ATOH8: variants seen among roughly 807,000 people sequenced by gnomAD.
ATOH8 encodes atonal bHLH transcription factor 8.
ATOH8 carries 9 observed loss-of-function variants against 21.2 expected under a neutral mutation model. That is an observed-to-expected ratio of 0.42 (90% CI 0.26 to 0.74). ATOH8 has a LOEUF of 0.74. ATOH8 is among the 30% of genes least tolerant of loss of function. ATOH8 has a pLI of 0.24. For missense variants in ATOH8, 524 were observed against 470.9 expected, an observed-to-expected ratio of 1.11 and a Z score of -1.04; for synonymous variants, 253 against 224.0, an observed-to-expected ratio of 1.13 and a Z score of -1.16.
At chr2:85,763,142 T>A (rs1215096256) in intron 1 of ATOH8, among the ~76,000 whole-genome samples, 1 of 152,146 alleles carries the variant, frequency 6.6e-6, no homozygotes, top group African/African-American at 2.4e-5. Flanking sequence ...ACCTATCAGG[T>A]TGATTTTGTG....
intron 2 of ATOH8, chr2:85,774,138 C>G: frequency 1.0e-6 from 1 of 985,484 alleles, no homozygotes; most frequent in East Asian, 1.1e-4. Flanking sequence ...TCCCATGTCT[C>G]CTGCCCAAGA....
chr2:85,774,165 G>A, intron 2 of ATOH8: 1 of 985,502 alleles, frequency 1.0e-6, no homozygotes, highest in Non-Finnish European at 1.2e-6. Context: ...TCTTCGTGGG[G>A]CCAAAGGCAA....
Position 85,766,303 on chromosome 2 carries a change from G to T in ATOH8, c.960+2121G>T, listed in dbSNP as rs1680013630. On this transcript the variant is annotated intron_variant, in intron 2 of 2. Transcript: ENST00000306279. This position sits in a 1 kb window ranked among gnomAD's most constrained non-coding sequence, Gnocchi z 4.0. ...TGGGGGTCGAGATGGAAGTTCCAGG[G>T]TAGGAACTCGACTGTTTCCTCTCCA... Among the ~76,000 whole-genome samples, 1 of 152,016 alleles carries T rather than the reference G, an allele frequency of 6.6e-6. No homozygotes were observed. The highest frequency in any genetic ancestry group is 6.5e-5 in the Admixed American group (1 of 15,274).
chr2:85,778,009 A>G (rs1573535522), intron 2 of ATOH8, among the ~76,000 whole-genome samples: 1 of 152,018 alleles, frequency 6.6e-6, no homozygotes, highest in South Asian at 2.1e-4. Context: ...GACCCTTCCT[A>G]CCCCACCCCG....
chr2:85,764,121 C>A lies in ATOH8; in HGVS notation c.899C>A (p.Ser300Tyr). 1 of 1,614,214 alleles carries A rather than the reference C, an allele frequency of 6.2e-7. No individual in the cohort carries two copies. The highest frequency in any genetic ancestry group is 8.5e-7 in the Non-Finnish European group (1 of 1,180,046). Residue 300 changes from serine to tyrosine, a missense_variant, in exon 2 of 3, where the codon TCC becomes TAC. Coordinates refer to ENST00000306279, the MANE Select transcript of ATOH8 (RefSeq NM_032827.7). ...GCCGACCACAGCAACCTCAGCTTCTCCGAGTGTGTGCAGCGCTGCACCCGC... is the reference window on the plus strand; with the variant it reads ...GCCGACCACAGCAACCTCAGCTTCTACGAGTGTGTGCAGCGCTGCACCCGC... ...YSADHSNLSF[S>Y]ECVQRCTRTL...
chr2:85,774,363 AG>A lies in ATOH8; in HGVS notation c.960+10184del, dbSNP rs546442675. 48 of 985,556 alleles carry A rather than the reference AG, an allele frequency of 4.9e-5. No homozygotes were observed. The South Asian group carries it at 1.9e-3, about 39-fold the overall frequency. The allele number at this position is 985,556 out of a possible 1,614,324, so 61.1% of individuals were successfully genotyped here. A position where few individuals can be genotyped will look rare whatever the true frequency, so the allele number is the denominator to read the frequency against. On this transcript the variant is annotated intron_variant, in intron 2 of 2. Transcript: ENST00000306279. ...CCTGGCACAGTGCGAGGCCTCAGACAGGGTGTCAGCAGGCCCTGGCTCCCCA... is the reference window on the plus strand; with the variant it reads ...CCTGGCACAGTGCGAGGCCTCAGACAGGTGTCAGCAGGCCCTGGCTCCCCA...
intron 1 of ATOH8, among the ~76,000 whole-genome samples, chr2:85,760,366 G>T (rs548781035): frequency 6.6e-6 from 1 of 152,018 alleles, no homozygotes; most frequent in Non-Finnish European, 1.5e-5. Context: ...CGGTGCGGGT[G>T]GGTGGGCTCT....
intron 2 of ATOH8, among the ~76,000 whole-genome samples, chr2:85,783,994 T>G (rs1349086067): frequency 6.6e-6 from 1 of 152,136 alleles, no homozygotes; most frequent in Non-Finnish European, 1.5e-5. Context: ...GTCTTGGGGA[T>G]TGGCATGCTG....
intron 1 of ATOH8, among the ~76,000 whole-genome samples, chr2:85,761,318 G>T (rs1679865741): frequency 6.6e-6 from 1 of 152,206 alleles, no homozygotes; most frequent in African/African-American, 2.4e-5. Flanking sequence ...GGTGGGGAAG[G>T]TTTTAAATGG....
At chr2:85,771,976 T>C (rs1023119755) in intron 2 of ATOH8, among the ~76,000 whole-genome samples, 2 of 152,244 alleles carry the variant, frequency 1.3e-5, no homozygotes, top group Non-Finnish European at 2.9e-5. Flanking sequence ...TCTGAGCTCT[T>C]CAGTCCTGAG....
intron 2 of ATOH8, among the ~76,000 whole-genome samples, chr2:85,784,294 T>C (rs772166149): frequency 6.6e-6 from 1 of 152,034 alleles, no homozygotes; most frequent in Non-Finnish European, 1.5e-5. Context: ...ACCTGTAAGT[T>C]TGGGAGGCTG....
intron 2 of ATOH8, 95 bp from the exon 3 acceptor site, chr2:85,786,790 C>T (rs1680632125): frequency 6.3e-7 from 1 of 1,588,048 alleles, no homozygotes; most frequent in South Asian, 1.1e-5. Context: ...GGCCCCTCTG[C>T]CTGGAGGACT....
At chr2:85,772,436 C>T (rs1474491139) in intron 2 of ATOH8, among the ~76,000 whole-genome samples, 1 of 152,214 alleles carries the variant, frequency 6.6e-6, no homozygotes, top group Non-Finnish European at 1.5e-5. Context: ...GCCCCAGACT[C>T]CAGATGTTCC....
At position 85,754,544 on chromosome 2, in the gene ATOH8, C is replaced by T. The variant is rs753632293; in HGVS notation, c.355C>T (p.Pro119Ser). ...CTGCTTCGCCCTAGGCGCAGTGGGG[C>T]CAGGACTCCCCACGCCGCCGCCGCC... ...KRCFALGAVGPGLPTPPPPPP... is the reference protein window; with the variant it reads ...KRCFALGAVGSGLPTPPPPPP... The change falls in exon 1 of 3, where the codon CCA becomes TCA. Residue 119 changes from proline to serine, a missense_variant. Transcript: ENST00000306279. 45 of 1,437,636 alleles carry T rather than the reference C, an allele frequency of 3.1e-5. No homozygotes were observed. Among genetic ancestry groups the T allele is most frequent in the Non-Finnish European group, 3.9e-5 (43 of 1,107,686 alleles). The allele number at this position is 1,437,636 out of a possible 1,614,324, so 89.1% of individuals were successfully genotyped here. A position where few individuals can be genotyped will look rare whatever the true frequency, so the allele number is the denominator to read the frequency against.
At position 85,769,599 on chromosome 2, in the gene ATOH8, G is replaced by A. The variant is rs138174195; in HGVS notation, c.960+5417G>A. On this transcript the variant is annotated intron_variant, in intron 2 of 2. Coordinates refer to ENST00000306279, the MANE Select transcript of ATOH8 (RefSeq NM_032827.7). The stretch of plus-strand genomic sequence containing the variant: ...TGGCCTGGGTCCGCTTTGGAAGAAC[G>A]TCTTGGGTGCAGACCCCGTAGCTTC... Among the ~76,000 whole-genome samples the A allele has an allele frequency of 3.1e-3, 477 of 152,332 alleles. 4 individuals are homozygous for A. Among genetic ancestry groups the A allele is most frequent in the African/African-American group, 8.7e-3 (363 of 41,590 alleles).
chr2:85,777,007 C>T (rs2104527599), intron 2 of ATOH8, among the ~76,000 whole-genome samples: 1 of 152,264 alleles, frequency 6.6e-6, no homozygotes, highest in Middle Eastern at 3.4e-3. Context: ...GGGTTCTTCA[C>T]TTGTTCAGTC....
rs1168172701 is a variant in ATOH8 at position 85,785,365 on chromosome 2, C to G, written c.961-1520C>G. Among the ~76,000 whole-genome samples, 1 of 152,270 alleles carries G rather than the reference C, an allele frequency of 6.6e-6. No individual in the cohort carries two copies. Among genetic ancestry groups the G allele is most frequent in the Non-Finnish European group, 1.5e-5 (1 of 68,050 alleles). On this transcript the variant is annotated intron_variant, in intron 2 of 2. Transcript: ENST00000306279. The surrounding 1 kb of genome is among the most constrained non-coding windows in gnomAD (Gnocchi z 4.1). ...CAGATTCCTGCTGGGGCCAGCCATG[C>G]ACAGTGGGCTTGGAGAATGTGAGCC...
rs984610740 is a variant in ATOH8, at chr2:85,791,197, G to A, written c.*4307G>A. Reference sequence around the variant, plus strand: ...GCCAGGCATCCTGAGGAACTTGATAGACAAACAATGACAGTGTTTTCCAGA... The same window carrying A: ...GCCAGGCATCCTGAGGAACTTGATAAACAAACAATGACAGTGTTTTCCAGA... On this transcript the variant is annotated 3_prime_UTR_variant, in exon 3 of 3. Transcript: ENST00000306279. 2.0e-5 allele frequency among the ~76,000 whole-genome samples: 3 copies of A among 152,198 alleles called. No homozygotes were observed. The highest frequency in any genetic ancestry group is 7.2e-5 in the African/African-American group (3 of 41,442).
At position 85,791,341 on chromosome 2, in the gene ATOH8, T is replaced by C. The variant is rs1363377051; in HGVS notation, c.*4451T>C. On this transcript the variant is annotated 3_prime_UTR_variant, in exon 3 of 3. Transcript: ENST00000306279. ...CTTGCAAAGTGTATATATTGGTTTC[T>C]TTGCTGAATGAATGAATAAAACATG... Among the ~76,000 whole-genome samples the C allele has an allele frequency of 6.6e-6, 1 of 152,254 alleles. No individual in the cohort carries two copies. The highest frequency in any genetic ancestry group is 1.5e-5 in the Non-Finnish European group (1 of 68,052).
Sources: allele counts gnomAD v4.1 joint callset (sites outside exome capture counted in the v4.1 genomes callset), GRCh38; gene constraint gnomAD v4.1.1; non-coding constraint Gnocchi (gnomAD v3.1); transcripts MANE v1.5; gene names NCBI Gene and HGNC (gene_info 2026-07-23, HGNC 2026-07-21).